The following ARHGEF10 variants were observed in gnomAD, a reference collection of about 807,000 sequenced individuals.
ARHGEF10 encodes Rho guanine nucleotide exchange factor 10.
In ARHGEF10, 140 loss-of-function variants were observed where a neutral mutation model predicts 147.4. The observed-to-expected ratio is 0.95, with a 90% CI of 0.83 to 1.09. The LOEUF (loss-of-function observed/expected upper bound fraction) is 1.09. Ranked by LOEUF, ARHGEF10 falls within the 50% of genes least tolerant of loss-of-function variation. The pLI, the probability that ARHGEF10 is intolerant of heterozygous loss-of-function variation, is 0.00. For synonymous variants in ARHGEF10, 902 were observed against 695.8 expected, an observed-to-expected ratio of 1.30 and a Z score of -4.67; for missense variants, 2,222 against 1,752.7, an observed-to-expected ratio of 1.27 and a Z score of -4.78.
At chr8:1,893,047 T>G (rs7826500) in intron 11 of ARHGEF10, among the ~76,000 whole-genome samples, 40,741 of 147,386 alleles carry the variant, frequency 0.28, 6,512 homozygotes, top group African/African-American at 0.43. Context: ...ACTGTCCACA[T>G]TCTTGGCCTC....
chr8:1,892,288 TG>T (rs1809598776), intron 11 of ARHGEF10, among the ~76,000 whole-genome samples: 1 of 143,444 alleles, frequency 7.0e-6, no homozygotes, highest in Non-Finnish European at 1.5e-5. Context: ...TGTGTGTGTG[TG>T]TGTGTGTGTG....
At chr8:1,825,590 G>A (rs889583865) in intron 1 of ARHGEF10, among the ~76,000 whole-genome samples, 2 of 150,016 alleles carry the variant, frequency 1.3e-5, no homozygotes, top group Non-Finnish European at 3.0e-5. Flanking sequence ...TAGGTCCACA[G>A]ACGCCCTGCC....
chr8:1,947,451 A>C (rs1814684703), intron 27 of ARHGEF10, among the ~76,000 whole-genome samples: 1 of 152,172 alleles, frequency 6.6e-6, no homozygotes, highest in Non-Finnish European at 1.5e-5. Flanking sequence ...AGAAACTCCT[A>C]ATCAAGGGAA....
At chr8:1,897,075 C>A (rs1810036548) in intron 14 of ARHGEF10, among the ~76,000 whole-genome samples, 1 of 152,246 alleles carries the variant, frequency 6.6e-6, no homozygotes, top group Non-Finnish European at 1.5e-5. Flanking sequence ...AAACCCCCTT[C>A]AAAGACGTCG....
intron 2 of ARHGEF10, among the ~76,000 whole-genome samples, chr8:1,854,784 T>C (rs188084267): frequency 6.6e-6 from 1 of 152,370 alleles, no homozygotes; most frequent in African/African-American, 2.4e-5. Context: ...TCTCATTCAT[T>C]CGCTCACATG....
At chr8:1,936,369 G>C (rs1019616581) in intron 26 of ARHGEF10, among the ~76,000 whole-genome samples, 1 of 152,134 alleles carries the variant, frequency 6.6e-6, no homozygotes, top group African/African-American at 2.4e-5. Context: ...ATATAAGTTA[G>C]CTGGGCACGG....
intron 18 of ARHGEF10, among the ~76,000 whole-genome samples, chr8:1,914,088 C>T (rs1401751821): frequency 6.6e-6 from 1 of 152,188 alleles, no homozygotes; most frequent in Non-Finnish European, 1.5e-5. Flanking sequence ...AGCAAAGAAC[C>T]AGCACCAAGG....
chr8:1,854,559 G>C (rs979841271), intron 2 of ARHGEF10, among the ~76,000 whole-genome samples: 2 of 138,486 alleles, frequency 1.4e-5, no homozygotes, highest in East Asian at 2.1e-4. Context: ...GTGTCTGCCA[G>C]TCTTTCAATG....
chr8:1,837,976 T>C (rs1384769082), intron 1 of ARHGEF10, among the ~76,000 whole-genome samples: 1 of 152,212 alleles, frequency 6.6e-6, no homozygotes, highest in Non-Finnish European at 1.5e-5. Flanking sequence ...TTTCCTCCTC[T>C]GTCTCCCCTC....
chr8:1,947,227 G>A (rs1350778369), intron 27 of ARHGEF10, among the ~76,000 whole-genome samples: 1 of 152,188 alleles, frequency 6.6e-6, no homozygotes, highest in Non-Finnish European at 1.5e-5. Context: ...GGGGAGGTGA[G>A]GAGGGTGTTA....
intron 2 of ARHGEF10, among the ~76,000 whole-genome samples, chr8:1,844,465 T>TCACCGGGGCCTGGTG (rs1329433075): frequency 4.8e-4 from 72 of 151,380 alleles, no homozygotes; most frequent in Middle Eastern, 3.4e-3. Flanking sequence ...AATCCAGGGG[T>TCACCGGGGCCTGGTG]GAGCAGTGGC....
intron 18 of ARHGEF10, among the ~76,000 whole-genome samples, chr8:1,920,662 T>C (rs1812216308): frequency 6.6e-6 from 1 of 152,224 alleles, no homozygotes; most frequent in Admixed American, 6.5e-5. Flanking sequence ...TTATAGAGTT[T>C]ATCATCAAAG....
intron 7 of ARHGEF10, among the ~76,000 whole-genome samples, chr8:1,875,749 T>A (rs1056069406): frequency 1.3e-5 from 2 of 152,224 alleles, no homozygotes; most frequent in African/African-American, 4.8e-5. Flanking sequence ...AATTTTGCAT[T>A]TCCAGTGAAA....
intron 28 of ARHGEF10, among the ~76,000 whole-genome samples, chr8:1,956,339 T>A (rs6989473): frequency 0.37 from 56,328 of 152,098 alleles, 10,819 homozygotes; most frequent in East Asian, 0.55. Context: ...TAGTCATTTC[T>A]TTCCCAAACC....
intron 18 of ARHGEF10, among the ~76,000 whole-genome samples, chr8:1,916,726 A>G (rs926006218): frequency 6.6e-6 from 1 of 152,242 alleles, no homozygotes; most frequent in Non-Finnish European, 1.5e-5. Context: ...TGTGCCTCTT[A>G]TCAGACTAGG....
chr8:1,851,632 G>T (rs1017448980), intron 2 of ARHGEF10, among the ~76,000 whole-genome samples: 1 of 152,184 alleles, frequency 6.6e-6, no homozygotes, highest in Non-Finnish European at 1.5e-5. Flanking sequence ...ACCAAACTGG[G>T]GTGGGCACGT....
intron 14 of ARHGEF10, among the ~76,000 whole-genome samples, chr8:1,897,629 G>A (rs1231105194): frequency 2.0e-5 from 3 of 151,684 alleles, no homozygotes; most frequent in Admixed American, 6.6e-5. Context: ...CTAAGGCATC[G>A]GATTGCAGTT....
chr8:1,866,897 A>G (rs1428420305), intron 6 of ARHGEF10, among the ~76,000 whole-genome samples: 2 of 152,148 alleles, frequency 1.3e-5, no homozygotes, highest in African/African-American at 4.8e-5. Flanking sequence ...TGGGTAACAG[A>G]AACTCTGACC....
chr8:1,884,586 T>G (rs1808498385), intron 10 of ARHGEF10, among the ~76,000 whole-genome samples: 1 of 152,196 alleles, frequency 6.6e-6, no homozygotes, highest in Non-Finnish European at 1.5e-5. Context: ...GGGAAAAGTC[T>G]GGGCATCAGT....
Sources: gnomAD v4.1 joint callset for allele counts (sites outside exome capture counted in the v4.1 genomes callset) on GRCh38, gnomAD v4.1.1 for gene constraint, MANE v1.5 for transcripts, NCBI Gene and HGNC (gene_info 2026-07-23, HGNC 2026-07-21) for gene names.